ARHGEF10L: variants seen among roughly 807,000 people sequenced by gnomAD.
The protein encoded by ARHGEF10L is Rho guanine nucleotide exchange factor 10 like.
Under a neutral mutation model 141.2 loss-of-function variants are expected in ARHGEF10L, and 69 were observed. The ratio of observed to expected loss-of-function variants is 0.49; its 90% CI spans 0.40 to 0.60. The LOEUF is 0.60. ARHGEF10L is among the 20% of genes least tolerant of loss of function. ARHGEF10L has a pLI of 0.00. For missense variants in ARHGEF10L, 1,482 were observed against 1,734.3 expected, an observed-to-expected ratio of 0.85 and a Z score of 2.58; for synonymous variants, 711 against 718.5, an observed-to-expected ratio of 0.99 and a Z score of 0.17.
At chr1:17,636,542 C>T (rs1420522012) in intron 18 of ARHGEF10L, among the ~76,000 whole-genome samples, 1 of 152,166 alleles carries the variant, frequency 6.6e-6, no homozygotes, top group Non-Finnish European at 1.5e-5. Flanking sequence ...AGAGCAGGTT[C>T]CTCTGCGCTT....
intron 26 of ARHGEF10L, among the ~76,000 whole-genome samples, chr1:17,677,639 A>G (rs2063808015): frequency 1.3e-5 from 2 of 152,118 alleles, no homozygotes; most frequent in Non-Finnish European, 2.9e-5. Flanking sequence ...CTTAATCTGT[A>G]TTAAGACTCA....
chr1:17,639,790 G>T lies in ARHGEF10L; in HGVS notation c.2172-412G>T. 8.3e-7 allele frequency: 1 copy of T among 1,209,488 alleles called. No individual in the cohort carries two copies. Among genetic ancestry groups the T allele is most frequent in the Non-Finnish European group, 1.1e-6 (1 of 911,566 alleles). The allele number at this position is 1,209,488 out of a possible 1,614,324, so 74.9% of individuals were successfully genotyped here. On this transcript the variant is annotated intron_variant, in intron 20 of 28. Coordinates refer to ENST00000361221, the MANE Select transcript of ARHGEF10L (RefSeq NM_018125.4). The surrounding 1 kb of genome is among the most constrained non-coding windows in gnomAD (Gnocchi z 4.3). ...TTACTGAGCAACTGTCCCATGCCAG[G>T]TGCTGGGAACAGACCCAAGTGAGAC...
At chr1:17,658,371 T>A (rs1307450237) in intron 25 of ARHGEF10L, among the ~76,000 whole-genome samples, 2 of 152,114 alleles carry the variant, frequency 1.3e-5, no homozygotes, top group Non-Finnish European at 2.9e-5. Flanking sequence ...AGTCTGGGGT[T>A]GGAGCCTGTT....
intron 28 of ARHGEF10L, among the ~76,000 whole-genome samples, chr1:17,696,446 G>A (rs1558062932): frequency 1.3e-5 from 2 of 152,096 alleles, no homozygotes; most frequent in Non-Finnish European, 2.9e-5. Flanking sequence ...CCGGGGGCTG[G>A]GGACACAGAG....
chr1:17,522,130 T>G, the ARHGEF10L span, among the ~76,000 whole-genome samples: 1 of 151,404 alleles, frequency 6.6e-6, no homozygotes, highest in African/African-American at 2.4e-5. Context: ...AGGCAGGAGG[T>G]GAGAGTGGGC....
chr1:17,518,555 G>C, the ARHGEF10L span, among the ~76,000 whole-genome samples: 1 of 152,150 alleles, frequency 6.6e-6, no homozygotes, highest in Non-Finnish European at 1.5e-5. Flanking sequence ...ACTTTGGGAG[G>C]CTGAGGCGGG....
At chr1:17,554,044 GAT>G (rs2077210716) in intron 1 of ARHGEF10L, among the ~76,000 whole-genome samples, 1 of 152,280 alleles carries the variant, frequency 6.6e-6, no homozygotes, top group South Asian at 2.1e-4. Flanking sequence ...AAGTGCAGAG[GAT>G]ACGTTTGCTA....
chr1:17,602,211 C>T lies in ARHGEF10L; in HGVS notation c.342C>T (p.Ser114=). ...ARHSSWKRKS[S]RRIDRFTFPA... Reference sequence around the variant, plus strand: ...ACTCCAGCTGGAAGCGGAAGAGTTCCCGTCGCAGTAAGTCTCCCCTCCGGC... The same window carrying T: ...ACTCCAGCTGGAAGCGGAAGAGTTCTCGTCGCAGTAAGTCTCCCCTCCGGC... The change falls in exon 5 of 29, where the codon TCC becomes TCT. Residue 114 remains serine, a synonymous_variant. Coordinates refer to ENST00000361221, the MANE Select transcript of ARHGEF10L (RefSeq NM_018125.4). 1 of 1,569,950 alleles carries T rather than the reference C, an allele frequency of 6.4e-7. No homozygotes were observed. Among genetic ancestry groups the T allele is most frequent in the Non-Finnish European group, 8.6e-7 (1 of 1,157,360 alleles).
intron 27 of ARHGEF10L, among the ~76,000 whole-genome samples, chr1:17,691,715 A>G (rs1007099914): frequency 3.3e-5 from 5 of 151,810 alleles, no homozygotes; most frequent in Non-Finnish European, 5.9e-5. Flanking sequence ...GTATATATAT[A>G]TGTGTGTATA....
the ARHGEF10L span, among the ~76,000 whole-genome samples, chr1:17,531,869 G>A: frequency 2.0e-5 from 3 of 152,322 alleles, no homozygotes; most frequent in South Asian, 2.1e-4. Context: ...GGAGACCAGG[G>A]AGCTTATGGA....
the ARHGEF10L span, among the ~76,000 whole-genome samples, chr1:17,519,797 C>T: frequency 2.0e-5 from 3 of 151,542 alleles, no homozygotes; most frequent in Admixed American, 6.6e-5. Flanking sequence ...GAGTCAAGAT[C>T]GCACCATTTT....
chr1:17,683,278 C>G (rs2064280422), intron 26 of ARHGEF10L, among the ~76,000 whole-genome samples: 1 of 115,008 alleles, frequency 8.7e-6, no homozygotes, highest in Non-Finnish European at 1.9e-5. Context: ...GCCCCCTGCT[C>G]TCACCGGGGT....
At chr1:17,660,846 G>A (rs539843937) in intron 25 of ARHGEF10L, among the ~76,000 whole-genome samples, 1 of 152,290 alleles carries the variant, frequency 6.6e-6, no homozygotes, top group Admixed American at 6.5e-5. Flanking sequence ...GCCACTGGAG[G>A]GTAAGGTGAG....
chr1:17,581,781 C>A (rs1021947508), intron 2 of ARHGEF10L, among the ~76,000 whole-genome samples: 5 of 151,778 alleles, frequency 3.3e-5, no homozygotes, highest in African/African-American at 1.2e-4. Flanking sequence ...GAGTGCTTAT[C>A]ATCGTGGGTG....
chr1:17,519,982 G>T, the ARHGEF10L span, among the ~76,000 whole-genome samples: 23 of 152,312 alleles, frequency 1.5e-4, no homozygotes, highest in African/African-American at 5.3e-4. Flanking sequence ...GGCTAAAAGG[G>T]GTGCAGCCCA....
the ARHGEF10L span, among the ~76,000 whole-genome samples, chr1:17,534,043 C>T: frequency 1.3e-5 from 2 of 151,370 alleles, no homozygotes; most frequent in Non-Finnish European, 2.9e-5. Context: ...CTCACTGCAA[C>T]CTCTGCCTTC....
At chr1:17,637,021 C>T (rs894310848) in intron 18 of ARHGEF10L, among the ~76,000 whole-genome samples, 21 of 152,094 alleles carry the variant, frequency 1.4e-4, no homozygotes, top group Admixed American at 3.9e-4. Flanking sequence ...GGCCCCCTCA[C>T]CCCATCACTG....
chr1:17,543,377 G>A (rs1457714671), intron 1 of ARHGEF10L, among the ~76,000 whole-genome samples: 3 of 152,100 alleles, frequency 2.0e-5, no homozygotes, highest in Non-Finnish European at 2.9e-5. Context: ...GAGGTCGGGA[G>A]TTCGAGACTA....
chr1:17,588,363 G>C, intron 3 of ARHGEF10L, 83 bp from the exon 4 acceptor site: 3 of 1,517,360 alleles, frequency 2.0e-6, no homozygotes, highest in Non-Finnish European at 2.7e-6. Context: ...CCCCTGGGGA[G>C]GCTGGGAAAG....
Sources: allele counts gnomAD v4.1 joint callset (sites outside exome capture counted in the v4.1 genomes callset), GRCh38; gene constraint gnomAD v4.1.1; non-coding constraint Gnocchi (gnomAD v3.1); transcripts MANE v1.5; gene names NCBI Gene and HGNC (gene_info 2026-07-23, HGNC 2026-07-21).